The following LRIG1 variants were observed in gnomAD, a reference collection of about 807,000 sequenced individuals.
LRIG1 encodes leucine rich repeats and immunoglobulin like domains 1, also known as leucine-rich repeats and immunoglobulin-like domains protein 1.
LRIG1 carries 48 observed loss-of-function variants against 99.2 expected under a neutral mutation model. The ratio of observed to expected loss-of-function variants is 0.48; its 90% confidence interval spans 0.38 to 0.62. The LOEUF (loss-of-function observed/expected upper bound fraction) is 0.62. LRIG1 is among the 20% of genes least tolerant of loss of function. The probability of loss-of-function intolerance (pLI) is 0.00; values close to 1 mark genes in which losing one functional copy is unlikely to be tolerated. For missense variants in LRIG1, 1,646 were observed against 1,434.4 expected (o/e 1.15, Z -2.38); for synonymous variants, 772 against 596.1 (o/e 1.29, Z -4.30).
At chr3:66,443,363 T>TGAGGGGGCGGGGGAGGAGG (rs1703610787) in intron 3 of LRIG1, among the ~76,000 whole-genome samples, 1 of 128,656 alleles carries the variant, frequency 7.8e-6, no homozygotes, top group East Asian at 2.3e-4. Context: ...GGGGGATGAG[T>TGAGGGGGCGGGGGAGGAGG]GAGGGGGTGT....
chr3:66,410,568 G>A (rs1469652049), intron 6 of LRIG1, among the ~76,000 whole-genome samples: 1 of 152,220 alleles, frequency 6.6e-6, no homozygotes, highest in Non-Finnish European at 1.5e-5. Context: ...AGGGCTGGGT[G>A]TGGCGGCTTA....
intron 12 of LRIG1, among the ~76,000 whole-genome samples, chr3:66,389,957 CATT>C (rs1275500170): frequency 1.3e-5 from 2 of 152,074 alleles, no homozygotes; most frequent in African/African-American, 4.8e-5. Flanking sequence ...GTCTTTTTTA[CATT>C]ATTAATTGAA....
intron 3 of LRIG1, 197 bp from the exon 4 acceptor site, chr3:66,417,463 G>A (rs1702649538): frequency 3.3e-6 from 2 of 607,296 alleles, no homozygotes; most frequent in Admixed American, 6.1e-5. Context: ...TTTTCAATCT[G>A]GGACAAGTTT....
At chr3:66,408,494 T>C (rs1033218616) in intron 7 of LRIG1, among the ~76,000 whole-genome samples, 1 of 152,198 alleles carries the variant, frequency 6.6e-6, no homozygotes, top group African/African-American at 2.4e-5. Flanking sequence ...CTGCCCCTTC[T>C]AGAGGGCATG....
intron 2 of LRIG1, among the ~76,000 whole-genome samples, chr3:66,453,235 C>G (rs1417252427): frequency 6.6e-6 from 1 of 152,248 alleles, no homozygotes; most frequent in Non-Finnish European, 1.5e-5. Flanking sequence ...CCTAAGAACT[C>G]TTTCATTGCT....
chr3:66,495,931 G>A (rs1050303076), intron 1 of LRIG1, among the ~76,000 whole-genome samples: 10 of 152,196 alleles, frequency 6.6e-5, no homozygotes, highest in South Asian at 2.1e-4. Context: ...GCCAGAGGCC[G>A]TCCCAATGGA....
At chr3:66,457,632 T>C (rs528859578) in intron 2 of LRIG1, among the ~76,000 whole-genome samples, 1 of 152,310 alleles carries the variant, frequency 6.6e-6, no homozygotes, top group African/African-American at 2.4e-5. Flanking sequence ...AACAATGTGT[T>C]ACGATGTCAA....
chr3:66,471,728 G>GC (rs1433556131), intron 1 of LRIG1, among the ~76,000 whole-genome samples: 3 of 152,210 alleles, frequency 2.0e-5, no homozygotes, highest in African/African-American at 7.2e-5. Flanking sequence ...AACAAGTCAG[G>GC]CAAAAGGGAC....
intron 3 of LRIG1, among the ~76,000 whole-genome samples, chr3:66,433,377 C>G (rs982032294): frequency 6.6e-6 from 1 of 152,216 alleles, no homozygotes; most frequent in Non-Finnish European, 1.5e-5. Flanking sequence ...GGTGCTGCAG[C>G]GCTAAAGCTC....
intron 2 of LRIG1, among the ~76,000 whole-genome samples, chr3:66,452,266 C>T (rs550743191): frequency 1.4e-4 from 22 of 152,290 alleles, no homozygotes; most frequent in African/African-American, 4.8e-4. Flanking sequence ...TCTCCACAGA[C>T]GAGAGTTGCT....
intron 3 of LRIG1, among the ~76,000 whole-genome samples, chr3:66,434,027 G>C (rs543539675): frequency 6.6e-6 from 1 of 152,252 alleles, no homozygotes; most frequent in African/African-American, 2.4e-5. Flanking sequence ...GGGATCTACA[G>C]GTAAAATTCT....
chr3:66,451,827 C>G (rs76249449), intron 2 of LRIG1, among the ~76,000 whole-genome samples, 194 bp from the exon 3 acceptor site: 3,004 of 152,278 alleles, frequency 0.02, 60 homozygotes, highest in Admixed American at 0.043. Flanking sequence ...AAACTAGCCA[C>G]TGATCACACC....
At position 66,380,785 on chromosome 3, in the gene LRIG1, G is replaced by T. The variant is rs767276012; in HGVS notation, c.2847C>A (p.Pro949=). 2 of 1,614,214 alleles carry T rather than the reference G, an allele frequency of 1.2e-6. No homozygotes were observed. Among genetic ancestry groups the T allele is most frequent in the Non-Finnish European group, 1.7e-6 (2 of 1,180,048 alleles). The change falls in exon 18 of 19, where the codon CCC becomes CCA. Residue 949 remains proline (P), a synonymous_variant. Transcript: ENST00000273261. ...GTGCGCTGTCTCTGGACACAGGCTG[G>T]GGGTGGAAGGCTTGTCCCCTGGAGT... The part of the protein sequence containing the change: ...DCYSRGQAFH[P]QPVSRDSAQP...
chr3:66,391,780 C>T (rs1436758943), intron 12 of LRIG1, among the ~76,000 whole-genome samples: 1 of 152,014 alleles, frequency 6.6e-6, no homozygotes, highest in African/African-American at 2.4e-5. Flanking sequence ...AATTATATTT[C>T]TTTTTAAAAG....
intron 3 of LRIG1, among the ~76,000 whole-genome samples, chr3:66,447,066 T>G (rs1471234721): frequency 6.6e-6 from 1 of 152,172 alleles, no homozygotes; most frequent in Non-Finnish European, 1.5e-5. Flanking sequence ...TAAGTTCATT[T>G]TTTTAAATTT....
At chr3:66,407,197 A>G (rs1285382583) in intron 8 of LRIG1, 151 bp downstream of exon 8, 1 of 726,768 alleles carries the variant, frequency 1.4e-6, no homozygotes. Flanking sequence ...GATTACATAA[A>G]AGTTTGAGAC....
intron 1 of LRIG1, among the ~76,000 whole-genome samples, chr3:66,489,043 G>A (rs1701039663): frequency 6.6e-6 from 1 of 152,134 alleles, no homozygotes; most frequent in African/African-American, 2.4e-5. Flanking sequence ...AGCCTCCACA[G>A]TTTTCTTTGG....
At chr3:66,464,893 CT>C (rs368061203) in intron 1 of LRIG1, among the ~76,000 whole-genome samples, 30 of 152,300 alleles carry the variant, frequency 2.0e-4, no homozygotes, top group African/African-American at 7.2e-4. Flanking sequence ...GGTAAGGCTA[CT>C]TGAGCAAAGG....
chr3:66,398,862 A>T lies in LRIG1; in HGVS notation c.1232+108T>A, dbSNP rs566238475. 6 of 895,110 alleles carry T rather than the reference A, an allele frequency of 6.7e-6. No homozygotes were observed. In the African/African-American group the frequency reaches 8.2e-5, roughly 12 times the overall value. 55.4% of individuals were successfully genotyped at this position (895,110 alleles called of 1,614,324 possible). On this transcript the variant is annotated intron_variant, in intron 10 of 18. Transcript: ENST00000273261. ...GAGAAGGAAGCAGCTGGTGTTTCCA[A>T]ATAGCCTGTTTCTCAGTTTACAAAG...
Sources: allele counts gnomAD v4.1 joint callset (sites outside exome capture counted in the v4.1 genomes callset), GRCh38; gene constraint gnomAD v4.1.1; transcripts MANE v1.5; gene names NCBI Gene and HGNC (gene_info 2026-07-23, HGNC 2026-07-21).